The following DLG2 variants were observed in gnomAD, a reference collection of about 807,000 sequenced individuals.
The protein encoded by DLG2 is discs large MAGUK scaffold protein 2.
DLG2 carries 45 observed loss-of-function variants against 132.5 expected under a neutral mutation model. The ratio of observed to expected loss-of-function variants is 0.34; its 90% CI spans 0.27 to 0.44. The LOEUF is 0.44. DLG2 is among the 20% of genes least tolerant of loss of function. The probability of loss-of-function intolerance (pLI) is 1.00; values close to 1 mark genes in which losing one functional copy is unlikely to be tolerated. For missense variants in DLG2, 1,045 were observed against 1,196.9 expected, an observed-to-expected ratio of 0.87 and a Z score of 1.87; for synonymous variants, 424 against 419.6, an observed-to-expected ratio of 1.01 and a Z score of -0.13.
At chr11:84,091,381 A>T (rs59861332) in intron 10 of DLG2, among the ~76,000 whole-genome samples, 1 of 152,092 alleles carries the variant, frequency 6.6e-6, no homozygotes, top group African/African-American at 2.4e-5. Context: ...CTCAGTCTCC[A>T]TCTCTGCTGT....
At chr11:83,713,768 AC>A (rs2086037697) in intron 18 of DLG2, among the ~76,000 whole-genome samples, 1 of 152,242 alleles carries the variant, frequency 6.6e-6, no homozygotes, top group Non-Finnish European at 1.5e-5. Context: ...TGGCAATTGC[AC>A]CATCTGTAAT....
At chr11:83,948,501 C>T (rs2084634121) in intron 14 of DLG2, among the ~76,000 whole-genome samples, 1 of 151,842 alleles carries the variant, frequency 6.6e-6, no homozygotes, top group Non-Finnish European at 1.5e-5. Context: ...GAGGAGGCAA[C>T]CACATAAAAC....
rs559220159 is a variant in DLG2, at chr11:85,504,810, G to C, written c.40+93847C>G. ...TCTATAAATTACCTTGGACAGTATG[G>C]CCATTTTCACAATATTGATTCTTCC... On this transcript the variant is annotated intron_variant, in intron 3 of 27. Transcript: ENST00000376104. Among the ~76,000 whole-genome samples, 5 of 152,228 alleles carry C rather than the reference G, an allele frequency of 3.3e-5. No individual in the cohort carries two copies. In the East Asian group the frequency reaches 5.8e-4, roughly 18 times the overall value.
chr11:84,668,494 C>T (rs376315126), intron 6 of DLG2, among the ~76,000 whole-genome samples: 2 of 152,176 alleles, frequency 1.3e-5, no homozygotes, highest in East Asian at 3.9e-4. Context: ...TCACTGAATG[C>T]CCTTTCTGAT....
At chr11:84,964,809 A>G (rs1171342717) in intron 6 of DLG2, among the ~76,000 whole-genome samples, 1 of 152,090 alleles carries the variant, frequency 6.6e-6, no homozygotes, top group Non-Finnish European at 1.5e-5. Flanking sequence ...AGGTCTTTCT[A>G]ATTTTAAAAT....
intron 6 of DLG2, among the ~76,000 whole-genome samples, chr11:84,738,789 A>G (rs558072710): frequency 9.8e-5 from 15 of 152,308 alleles, no homozygotes; most frequent in African/African-American, 3.6e-4. Context: ...ATTCAAGAGA[A>G]ATGAAAACAT....
intron 18 of DLG2, chr11:83,651,968 C>T: frequency 2.2e-6 from 1 of 452,346 alleles, no homozygotes; most frequent in South Asian, 1.6e-5. Flanking sequence ...CTGAAATCTA[C>T]ACACTTAAAT....
At chr11:85,028,997 T>A (rs1347690118) in intron 6 of DLG2, among the ~76,000 whole-genome samples, 1 of 152,156 alleles carries the variant, frequency 6.6e-6, no homozygotes, top group Non-Finnish European at 1.5e-5. Context: ...TATGAAAGTA[T>A]CAATATTTAT....
chr11:83,709,106 T>C lies in DLG2; in HGVS notation c.1826-75781A>G, dbSNP rs536945341. 1.3e-3 allele frequency among the ~76,000 whole-genome samples: 195 copies of C among 152,174 alleles called. 1 individual carries two copies. The highest frequency in any genetic ancestry group is 2.3e-3 in the Non-Finnish European group (155 of 68,026). The stretch of plus-strand genomic sequence containing the variant: ...AAAGGTAAGAGACAAGTCTGAGTCC[T>C]GGGGTAGCTGCCAATAATATTCATT... On this transcript the variant is annotated intron_variant, in intron 18 of 27. Transcript: ENST00000376104.
intron 16 of DLG2, among the ~76,000 whole-genome samples, chr11:83,863,841 A>G (rs542547624): frequency 1.3e-5 from 2 of 152,236 alleles, no homozygotes; most frequent in East Asian, 3.9e-4. Context: ...AGGCTGCTAT[A>G]CCAAGGAGAG....
intron 6 of DLG2, among the ~76,000 whole-genome samples, chr11:85,075,964 A>G (rs2066488235): frequency 6.6e-6 from 1 of 151,984 alleles, no homozygotes; most frequent in African/African-American, 2.4e-5. Flanking sequence ...GAACAGGAAC[A>G]GCAACACGCC....
chr11:84,491,374 C>A (rs376060467), intron 7 of DLG2, among the ~76,000 whole-genome samples: 2 of 152,094 alleles, frequency 1.3e-5, no homozygotes, highest in Non-Finnish European at 2.9e-5. Context: ...ATGTGACTTG[C>A]TCCTCCTTGC....
At chr11:84,011,212 C>T (rs1273972633) in intron 11 of DLG2, among the ~76,000 whole-genome samples, 1 of 151,964 alleles carries the variant, frequency 6.6e-6, no homozygotes, top group Non-Finnish European at 1.5e-5. Flanking sequence ...ATTTTATGCT[C>T]ATAATCCTAG....
At chr11:85,406,821 T>C (rs1295543777) in intron 3 of DLG2, among the ~76,000 whole-genome samples, 1 of 151,722 alleles carries the variant, frequency 6.6e-6, no homozygotes, top group Non-Finnish European at 1.5e-5. Context: ...GAAATATATA[T>C]AGTATAAAAG....
intron 6 of DLG2, among the ~76,000 whole-genome samples, chr11:84,972,202 T>C (rs1181361209): frequency 3.3e-5 from 5 of 152,188 alleles, no homozygotes; most frequent in African/African-American, 9.6e-5. Context: ...GTGAACAGAA[T>C]AGAGCCTCAC....
rs186730623 is a variant in DLG2, at chr11:84,250,498, T to C, written c.573+740A>G. Among the ~76,000 whole-genome samples the C allele has an allele frequency of 1.9e-4, 29 of 152,326 alleles. No homozygotes were observed. In the East Asian group the frequency reaches 4.6e-3, roughly 24 times the overall value. On this transcript the variant is annotated intron_variant, in intron 8 of 27. Coordinates refer to ENST00000376104, the MANE Select transcript of DLG2 (RefSeq NM_001142699.3). The stretch of plus-strand genomic sequence containing the variant: ...TCTTCTCAGCTTCATACCCCCTGTC[T>C]AGCATGCATCTGTGGCTATCCCATC...
chr11:83,583,712 A>G (rs2097024938), intron 19 of DLG2, among the ~76,000 whole-genome samples: 1 of 152,182 alleles, frequency 6.6e-6, no homozygotes, highest in Non-Finnish European at 1.5e-5. Flanking sequence ...GAGAACAAGA[A>G]CCTTTAACTA....
chr11:83,831,118 A>G (rs536537369), intron 17 of DLG2, among the ~76,000 whole-genome samples: 6 of 152,364 alleles, frequency 3.9e-5, no homozygotes, highest in African/African-American at 1.4e-4. Context: ...ATTGTGCTAA[A>G]TATTGAGGAT....
intron 4 of DLG2, among the ~76,000 whole-genome samples, chr11:85,214,348 G>C (rs1364023422): frequency 6.6e-6 from 1 of 152,148 alleles, no homozygotes; most frequent in African/African-American, 2.4e-5. Context: ...TCCTGAAGTA[G>C]ATAGCTGATC....
Sources: allele counts gnomAD v4.1 joint callset (sites outside exome capture counted in the v4.1 genomes callset), GRCh38; gene constraint gnomAD v4.1.1; transcripts MANE v1.5; gene names NCBI Gene and HGNC (gene_info 2026-07-23, HGNC 2026-07-21).